CREBBP: variants seen among roughly 807,000 people sequenced by gnomAD.
The protein encoded by CREBBP is CREB-binding protein.
CREBBP carries 19 observed loss-of-function variants against 265.0 expected under a neutral mutation model. The ratio of observed to expected loss-of-function variants is 0.07; its 90% confidence interval spans 0.05 to 0.11. CREBBP has a LOEUF of 0.11. Among genes scored for constraint, CREBBP ranks in the 10% least tolerant of loss-of-function variants. CREBBP has a pLI of 1.00. For synonymous variants in CREBBP, 1,457 were observed against 1,223.7 expected (o/e 1.19, Z -3.98); for missense variants, 2,525 against 3,219.0 (o/e 0.78, Z 5.22).
Position 3,727,780 on chromosome 16 carries a change from C to T in CREBBP, c.7267G>A (p.Glu2423Lys), listed in dbSNP as rs754944719. ...GTGGTGTCCCCGACCAGGGACAGTT[C>T]GCTGGACAGCGCACTCCTGCTGGGG... ...NTPSRSALSS[E>K]LSLVGDTTGD... Residue 2423 changes from glutamate to lysine, a missense_variant, in exon 31 of 31, where the codon GAA becomes AAA. Physicochemically the swap from Glu to Lys is moderately conservative, Grantham distance 56 (BLOSUM62 1). This residue lies in a region of CREBBP where 473 missense variants were observed against 459.3 expected (regional missense o/e 1.03). Coordinates refer to ENST00000262367, the MANE Select transcript of CREBBP (RefSeq NM_004380.3). 4.3e-6 allele frequency: 7 copies of T among 1,614,168 alleles called. No individual in the cohort carries two copies. The highest frequency in any genetic ancestry group is 2.2e-5 in the East Asian group (1 of 44,876).
intron 3 of CREBBP, among the ~76,000 whole-genome samples, chr16:3,799,148 G>A (rs745880811): frequency 2.6e-5 from 4 of 152,156 alleles, no homozygotes; most frequent in Non-Finnish European, 4.4e-5. Flanking sequence ...AAAGACTAGC[G>A]GTTGGCTGGA....
At chr16:3,795,875 T>C (rs2053598155) in intron 3 of CREBBP, among the ~76,000 whole-genome samples, 1 of 152,218 alleles carries the variant, frequency 6.6e-6, no homozygotes, top group South Asian at 2.1e-4. Flanking sequence ...GATATCATCC[T>C]TACACCTAAG....
intron 2 of CREBBP, among the ~76,000 whole-genome samples, chr16:3,820,640 G>A (rs963764711): frequency 2.0e-5 from 3 of 152,202 alleles, no homozygotes; most frequent in Non-Finnish European, 4.4e-5. Context: ...CAGGCACGAG[G>A]ATTGCTTGAG....
At position 3,823,812 on chromosome 16, in the gene CREBBP, A is replaced by G. The variant is rs957730355; in HGVS notation, c.799-13033T>C. ...TTCCCAAGTTTCCATGGCAAGGCAC[A>G]CTTCTAGTCAGACAGTTCCTATCGA... On this transcript the variant is annotated intron_variant, in intron 2 of 30. Coordinates refer to ENST00000262367, the MANE Select transcript of CREBBP (RefSeq NM_004380.3). Among the ~76,000 whole-genome samples the G allele has an allele frequency of 4.6e-4, 70 of 152,114 alleles. 2 individuals are homozygous for G. Among genetic ancestry groups the G allele is most frequent in the Non-Finnish European group, 4.4e-5 (3 of 68,020 alleles).
rs1434694571 is a variant in CREBBP at position 3,810,693 on chromosome 16, G to A, written c.885C>T (p.Pro295=). The part of the protein sequence containing the change: ...GQPMGATGVN[P]QLASKQSMVN... ...CCATGCTCTGTTTGCTGGCTAACTG[G>A]GGGTTCACTCCAGTGGCTCCCATTG... Residue 295 remains proline, a synonymous_variant, in exon 3 of 31, where the codon CCC becomes CCT. Transcript: ENST00000262367. 9.3e-6 allele frequency: 15 copies of A among 1,613,770 alleles called. No individual in the cohort carries two copies. Among genetic ancestry groups the A allele is most frequent in the Non-Finnish European group, 1.3e-5 (15 of 1,179,998 alleles).
At chr16:3,793,974 C>T (rs1231724600) in intron 3 of CREBBP, among the ~76,000 whole-genome samples, 2 of 152,212 alleles carry the variant, frequency 1.3e-5, no homozygotes, top group African/African-American at 4.8e-5. Flanking sequence ...ACTGCTGTTT[C>T]TGTAGGTCCC....
intron 2 of CREBBP, among the ~76,000 whole-genome samples, chr16:3,842,271 G>A (rs1054315589): frequency 2.0e-5 from 3 of 152,096 alleles, no homozygotes; most frequent in African/African-American, 7.2e-5. Context: ...CGGACCCCTT[G>A]ACCCGAAATT....
At chr16:3,829,275 A>G (rs961389671) in intron 2 of CREBBP, among the ~76,000 whole-genome samples, 2 of 152,230 alleles carry the variant, frequency 1.3e-5, no homozygotes, top group Non-Finnish European at 2.9e-5. Context: ...TTCTACAGTG[A>G]ACTTAATCCT....
intron 5 of CREBBP, 108 bp from the exon 6 acceptor site, chr16:3,783,034 T>G (rs2053309754): frequency 7.3e-7 from 1 of 1,363,510 alleles, no homozygotes; most frequent in Non-Finnish European, 1.0e-6. Context: ...ATCAAAATAC[T>G]ACACATGAAT....
At chr16:3,742,881 G>A (rs1012611694) in intron 23 of CREBBP, 7 of 152,230 alleles carry the variant, frequency 4.6e-5, no homozygotes, top group African/African-American at 1.7e-4. Context: ...GGATGCTGCG[G>A]TGGGAGGGGG....
chr16:3,869,601 C>G (rs2055251055), intron 1 of CREBBP, among the ~76,000 whole-genome samples: 1 of 152,142 alleles, frequency 6.6e-6, no homozygotes, highest in South Asian at 2.1e-4. Context: ...TTACTCAAAC[C>G]AGGTAACATT....
At chr16:3,745,402 C>G (rs185362325) in intron 21 of CREBBP, 48 bp from the exon 22 acceptor site, 1 of 1,561,836 alleles carries the variant, frequency 6.4e-7, no homozygotes, top group Non-Finnish European at 8.8e-7. Flanking sequence ...AACCACAAGA[C>G]CAGAGTCACT....
chr16:3,804,381 T>C (rs1364033607), intron 3 of CREBBP, among the ~76,000 whole-genome samples: 1 of 152,222 alleles, frequency 6.6e-6, no homozygotes, highest in Non-Finnish European at 1.5e-5. Flanking sequence ...TACACAATTT[T>C]TTGATAACTT....
In CREBBP at chr16:3,726,414, GCCCACC is replaced by G. The variant is rs2051746983; in HGVS notation, c.*1298_*1303del. 8.6e-3 allele frequency: 2 copies of G among 232 alleles called. No individual in the cohort carries two copies. Among genetic ancestry groups the G allele is most frequent in the Non-Finnish European group, 0.048 (2 of 42 alleles). The allele number at this position is 232 out of a possible 1,614,324, so 0.0% of individuals were successfully genotyped here. A position where few individuals can be genotyped will look rare whatever the true frequency, so the allele number is the denominator to read the frequency against. ...GAATGTGTGGGGCCAACGCTGAGCC[GCCCACC>G]TCAGTCGCCCACCTCAGTCTCCGGG... On this transcript the variant is annotated 3_prime_UTR_variant, in exon 31 of 31. Coordinates refer to ENST00000262367, the MANE Select transcript of CREBBP (RefSeq NM_004380.3).
chr16:3,809,665 A>C (rs2053897975), intron 3 of CREBBP, among the ~76,000 whole-genome samples: 1 of 152,324 alleles, frequency 6.6e-6, no homozygotes, highest in Non-Finnish European at 1.5e-5. Context: ...GAAAAGACCA[A>C]GGTTATGTAA....
At position 3,859,547 on chromosome 16, in the gene CREBBP, T is replaced by C. The variant is rs114495672; in HGVS notation, c.86-8538A>G. On this transcript the variant is annotated intron_variant, in intron 1 of 30. Coordinates refer to ENST00000262367, the MANE Select transcript of CREBBP (RefSeq NM_004380.3). ...TGACTGATGGCTGGCAGCTCCTAGG[T>C]AGCTTCGGACAGGAGCTGGTCACCA... Among the ~76,000 whole-genome samples, 1,462 of 152,268 alleles carry C rather than the reference T, an allele frequency of 9.6e-3. 29 individuals are homozygous for C. Among genetic ancestry groups the C allele is most frequent in the African/African-American group, 0.033 (1,390 of 41,542 alleles).
chr16:3,745,430 G>A, intron 21 of CREBBP, 76 bp from the exon 22 acceptor site: 2 of 1,305,826 alleles, frequency 1.5e-6, no homozygotes, highest in Non-Finnish European at 2.2e-6. Context: ...GTCTGTGTGT[G>A]CGTCCACACC....
intron 1 of CREBBP, among the ~76,000 whole-genome samples, chr16:3,852,968 A>G (rs77262679): frequency 7.0e-5 from 10 of 142,352 alleles, no homozygotes; most frequent in African/African-American, 2.7e-4. Flanking sequence ...GTAGCATCCA[A>G]AAAAAAAAAA....
chr16:3,829,606 T>C (rs1322574566), intron 2 of CREBBP, among the ~76,000 whole-genome samples: 1 of 152,198 alleles, frequency 6.6e-6, no homozygotes, highest in East Asian at 1.9e-4. Flanking sequence ...CAAGGCCATG[T>C]CTAAGGAACA....
Sources: allele counts gnomAD v4.1 joint callset (sites outside exome capture counted in the v4.1 genomes callset), GRCh38; gene constraint gnomAD v4.1.1; regional missense constraint gnomAD v4.1.1; transcripts MANE v1.5; gene names NCBI Gene and HGNC (gene_info 2026-07-23, HGNC 2026-07-21).